The following WDR26 variants were observed in gnomAD, a reference collection of about 807,000 sequenced individuals.
WDR26 encodes WD repeat-containing protein 26.
WDR26 carries 5 observed loss-of-function variants against 84.1 expected under a neutral mutation model. That is an observed-to-expected ratio of 0.06 (90% CI 0.03 to 0.13). The LOEUF (loss-of-function observed/expected upper bound fraction) is 0.13, where lower values mean the gene tolerates loss of function less well. WDR26 is among the 10% of genes least tolerant of loss of function. The probability of loss-of-function intolerance (pLI) is 1.00; values close to 1 mark genes in which losing one functional copy is unlikely to be tolerated. For missense variants in WDR26, 642 were observed against 974.9 expected (o/e 0.66, Z 4.55); for synonymous variants, 415 against 389.6 (o/e 1.07, Z -0.77).
intron 4 of WDR26, among the ~76,000 whole-genome samples, chr1:224,420,252 AG>A (rs888072140): frequency 6.6e-6 from 1 of 152,252 alleles, no homozygotes; most frequent in Admixed American, 6.5e-5. Flanking sequence ...TATGTACAGA[AG>A]GTGGGATAAA....
chr1:224,391,143 C>T (rs1256969852), intron 13 of WDR26, among the ~76,000 whole-genome samples: 1 of 151,680 alleles, frequency 6.6e-6, no homozygotes, highest in African/African-American at 2.4e-5. Context: ...GACAGGCCGA[C>T]TTCACCTGAA....
At chr1:224,398,619 AAAC>A (rs775490711) in intron 10 of WDR26, 26 bp from the exon 11 acceptor site, 2 of 1,559,888 alleles carry the variant, frequency 1.3e-6, no homozygotes, top group Non-Finnish European at 1.7e-6. Context: ...AATTTGTCAA[AAAC>A]AACATATTAA....
rs1335743298 is a variant in WDR26 at position 224,433,975 on chromosome 1, G to T, written c.431C>A (p.Pro144His). Residue 144 changes from proline (P) to histidine (H), a missense_variant, in exon 1 of 14, where the codon CCC becomes CAC. By Grantham distance (77) the Pro-to-His change is moderately conservative. Transcript: ENST00000414423. ...GTCCCCCGCGGACGACGACGACGAG[G>T]GGGACGACTCCCCGTTCTGGGCCGA... 4 of 1,530,188 alleles carry T rather than the reference G, an allele frequency of 2.6e-6. No individual in the cohort carries two copies. The highest frequency in any genetic ancestry group is 3.5e-6 in the Non-Finnish European group (4 of 1,142,192). 94.8% of individuals were successfully genotyped at this position (1,530,188 alleles called of 1,614,324 possible).
intron 7 of WDR26, among the ~76,000 whole-genome samples, chr1:224,405,363 T>G (rs1673523044): frequency 6.6e-6 from 1 of 152,260 alleles, no homozygotes; most frequent in African/African-American, 2.4e-5. Context: ...TTTTGGCTAT[T>G]ATGAATAATG....
intron 6 of WDR26, among the ~76,000 whole-genome samples, chr1:224,416,039 C>T (rs1246207528): frequency 6.6e-6 from 1 of 151,868 alleles, no homozygotes; most frequent in Non-Finnish European, 1.5e-5. Flanking sequence ...AAAGACATTG[C>T]GAATGTGTAG....
chr1:224,390,963 T>C (rs188861089), intron 13 of WDR26, among the ~76,000 whole-genome samples: 1 of 152,298 alleles, frequency 6.6e-6, no homozygotes, highest in Non-Finnish European at 1.5e-5. Context: ...GACTATTTCA[T>C]ATAAATGGAA....
chr1:224,434,744 T>C lies in WDR26; in HGVS notation c.-339A>G. ...GGCAGCTGCCGCCTCTGTCCTCGGA[T>C]CCGCTCCGCTCTGCTCCCTGGTGTG... On this transcript the variant is annotated 5_prime_UTR_variant, in exon 1 of 14. Coordinates refer to ENST00000414423, the MANE Select transcript of WDR26 (RefSeq NM_001379403.1). 1 of 986,890 alleles carries C rather than the reference T, an allele frequency of 1.0e-6. No homozygotes were observed. The highest frequency in any genetic ancestry group is 1.2e-6 in the Non-Finnish European group (1 of 831,002). The allele number at this position is 986,890 out of a possible 1,614,324, so 61.1% of individuals were successfully genotyped here.
At chr1:224,403,674 C>T (rs1474575226) in intron 8 of WDR26, among the ~76,000 whole-genome samples, 3 of 152,192 alleles carry the variant, frequency 2.0e-5, no homozygotes, top group African/African-American at 7.2e-5. Flanking sequence ...CGGTGGCTCA[C>T]GCCTGTAGTC....
Position 224,434,578 on chromosome 1 carries a change from C to A in WDR26, c.-173G>T, listed in dbSNP as rs527528263. On this transcript the variant is annotated 5_prime_UTR_variant, in exon 1 of 14. Transcript: ENST00000414423. The stretch of plus-strand genomic sequence containing the variant: ...AGGAGGATCCGGGCCCTTTCCCCCC[C>A]CCCTCCCGGAGGCAGCTCGGGGTGC... 22 of 476,306 alleles carry A rather than the reference C, an allele frequency of 4.6e-5. No homozygotes were observed. Among genetic ancestry groups the A allele is most frequent in the East Asian group, 1.6e-4 (1 of 6,362 alleles). The allele number at this position is 476,306 out of a possible 1,614,324, so 29.5% of individuals were successfully genotyped here.
At chr1:224,419,734 A>T (rs1043416633) in intron 4 of WDR26, 119 bp from the exon 5 acceptor site, 1 of 714,536 alleles carries the variant, frequency 1.4e-6, no homozygotes, top group Non-Finnish European at 2.4e-6. Flanking sequence ...AGAAATTTCT[A>T]CAGTGGACTC....
intron 6 of WDR26, among the ~76,000 whole-genome samples, chr1:224,415,003 T>C (rs894284498): frequency 6.6e-6 from 1 of 152,230 alleles, no homozygotes; most frequent in Non-Finnish European, 1.5e-5. Context: ...CAAGATCATG[T>C]GTTGAATAAA....
intron 6 of WDR26, among the ~76,000 whole-genome samples, 162 bp from the exon 7 acceptor site, chr1:224,411,727 G>T (rs866635363): frequency 1.2e-4 from 18 of 150,856 alleles, no homozygotes; most frequent in Non-Finnish European, 2.7e-4. Context: ...TTGAGACAGG[G>T]TCTCTCTGTT....
chr1:224,426,892 C>T (rs905861236), intron 3 of WDR26, among the ~76,000 whole-genome samples: 7 of 150,620 alleles, frequency 4.6e-5, no homozygotes, highest in Non-Finnish European at 7.4e-5. Context: ...GTCAGCAGTT[C>T]GAGACCAGCC....
In WDR26 at chr1:224,386,307, A is replaced by C. The variant is rs1672991196; in HGVS notation, c.*3528T>G. The C allele has an allele frequency of 6.6e-6, 1 of 152,646 alleles. No homozygotes were observed. The allele number at this position is 152,646 out of a possible 1,614,324, so 9.5% of individuals were successfully genotyped here. On this transcript the variant is annotated 3_prime_UTR_variant, in exon 14 of 14. Transcript: ENST00000414423. The stretch of plus-strand genomic sequence containing the variant: ...GAAATTAAAGTAAAACCAAATCAAA[A>C]TATTTATACATTTTAGAGATGGGAC...
chr1:224,401,050 T>G lies in WDR26; in HGVS notation c.1619A>C (p.Lys540Thr), dbSNP rs759985685. Residue 540 changes from lysine to threonine, a missense_variant, in exon 9 of 14, where the codon AAA becomes ACA. By Grantham distance (78) the Lys-to-Thr change is moderately conservative. This residue lies in a region of WDR26 where 351 missense variants were observed against 672.8 expected (regional missense o/e 0.52). Coordinates refer to ENST00000414423, the MANE Select transcript of WDR26 (RefSeq NM_001379403.1). Reference sequence around the variant, plus strand: ...ACTGTCTTCATGAGACTGGCTCATTTTTGTCCTTAGTTCTCCTGTCTATAA... The same window carrying G: ...ACTGTCTTCATGAGACTGGCTCATTGTTGTCCTTAGTTCTCCTGTCTATAA... 6.2e-7 allele frequency: 1 copy of G among 1,614,018 alleles called. No homozygotes were observed. Among genetic ancestry groups the G allele is most frequent in the Non-Finnish European group, 8.5e-7 (1 of 1,179,960 alleles).
At chr1:224,413,206 A>C in intron 6 of WDR26, 5 of 786,238 alleles carry the variant, frequency 6.4e-6, no homozygotes, top group Non-Finnish European at 8.2e-6. Flanking sequence ...CAACAACAAA[A>C]ACCCCCCCCC....
At position 224,393,991 on chromosome 1, in the gene WDR26, G is replaced by A; in HGVS notation, c.2097C>T (p.His699=). Residue 699 remains histidine (H), a synonymous_variant, in exon 13 of 14, where the codon CAC becomes CAT. Transcript: ENST00000414423. ...CCGCAATTGGCAGTTCACTACGTTT[G>A]TGCCAGATGTAAACCTTGTGATCTG... The A allele has an allele frequency of 6.5e-7, 1 of 1,530,306 alleles. No individual in the cohort carries two copies. Among genetic ancestry groups the A allele is most frequent in the Non-Finnish European group, 8.9e-7 (1 of 1,118,684 alleles). 94.8% of individuals were successfully genotyped at this position (1,530,306 alleles called of 1,614,324 possible).
rs1168556587 is a variant in WDR26, at chr1:224,393,877, A to G, written c.2211T>C (p.Thr737=). 1 of 1,585,756 alleles carries G rather than the reference A, an allele frequency of 6.3e-7. No individual in the cohort carries two copies. Among genetic ancestry groups the G allele is most frequent in the Non-Finnish European group, 8.6e-7 (1 of 1,157,692 alleles). Residue 737 remains threonine, a synonymous_variant, in exon 13 of 14, where the codon ACT becomes ACC. Coordinates refer to ENST00000414423, the MANE Select transcript of WDR26 (RefSeq NM_001379403.1). ...AAGGTGCTGGTCCCCATATTCTAAC[A>G]GTGCCATCATCTGAGGCGCTGGCCA...
chr1:224,408,863 G>A lies in WDR26; in HGVS notation c.1458+2564C>T, dbSNP rs143621663. On this transcript the variant is annotated intron_variant, in intron 7 of 13. Transcript: ENST00000414423. ...ATTTAAACGGTACATTTTTTTCACA[G>A]GAATTTTAAACCTGAGATCTACAAG... Among the ~76,000 whole-genome samples, 44 of 150,054 alleles carry A rather than the reference G, an allele frequency of 2.9e-4. 2 individuals are homozygous for A. In the East Asian group the frequency reaches 3.3e-3, roughly 11 times the overall value.
Sources: allele counts gnomAD v4.1 joint callset (sites outside exome capture counted in the v4.1 genomes callset), GRCh38; gene constraint gnomAD v4.1.1; regional missense constraint gnomAD v4.1.1; transcripts MANE v1.5; gene names NCBI Gene and HGNC (gene_info 2026-07-23, HGNC 2026-07-21).